The following ARSB variants were observed in gnomAD, a reference collection of about 807,000 sequenced individuals.
The protein encoded by ARSB is arylsulfatase B.
A neutral mutation model predicts 50.9 loss-of-function variants in ARSB; 41 were observed. The ratio of observed to expected loss-of-function variants is 0.81; its 90% CI spans 0.63 to 1.04. ARSB has a LOEUF of 1.04. Among genes scored for constraint, ARSB ranks in the 50% least tolerant of loss-of-function variants. The pLI is 0.00. For synonymous variants in ARSB, 269 were observed against 284.8 expected (o/e 0.94, Z 0.56); for missense variants, 672 against 693.3 (o/e 0.97, Z 0.35).
At chr5:78,962,508 C>T (rs1174634881) in intron 3 of ARSB, among the ~76,000 whole-genome samples, 2 of 148,096 alleles carry the variant, frequency 1.4e-5, no homozygotes, top group African/African-American at 2.5e-5. Context: ...TGTGTTTTCA[C>T]TTCTACATGT....
At chr5:78,796,879 C>CTTT (rs1342063568) in intron 6 of ARSB, among the ~76,000 whole-genome samples, 1,861 of 126,348 alleles carry the variant, frequency 0.015, 94 homozygotes, top group African/African-American at 0.056. Context: ...GTCTCGATCT[C>CTTT]TTTTTTTTTT....
intron 4 of ARSB, among the ~76,000 whole-genome samples, chr5:78,943,230 A>T (rs1017633066): frequency 6.6e-6 from 1 of 152,086 alleles, no homozygotes; most frequent in African/African-American, 2.4e-5. Context: ...TTGACTCTTT[A>T]TCCAATTTGC....
chr5:78,890,696 G>A (rs536029614), intron 4 of ARSB, among the ~76,000 whole-genome samples: 1 of 152,206 alleles, frequency 6.6e-6, no homozygotes, highest in Admixed American at 6.5e-5. Flanking sequence ...CCCACATATA[G>A]AATCCTTCAT....
chr5:78,796,973 GT>G (rs776414208), intron 6 of ARSB, among the ~76,000 whole-genome samples: 4 of 150,564 alleles, frequency 2.7e-5, no homozygotes, highest in Non-Finnish European at 5.9e-5. Flanking sequence ...CGCCTCCCGG[GT>G]TCACGCCATT....
Position 78,779,473 on chromosome 5 carries a change from T to C in ARSB, c.*924A>G, listed in dbSNP as rs549791435. 1.3e-5 allele frequency: 2 copies of C among 152,346 alleles called. No individual in the cohort carries two copies. Among genetic ancestry groups the C allele is most frequent in the South Asian group, 4.1e-4 (2 of 4,824 alleles). 9.4% of individuals were successfully genotyped at this position (152,346 alleles called of 1,614,324 possible). A position where few individuals can be genotyped will look rare whatever the true frequency, so the allele number is the denominator to read the frequency against. ...AACTCCATGCAATATAGGAAAAGCC[T>C]CGCTGAACAGATGCCACAGAGCCAA... On this transcript the variant is annotated 3_prime_UTR_variant, in exon 8 of 8. Coordinates refer to ENST00000264914, the MANE Select transcript of ARSB (RefSeq NM_000046.5).
At chr5:78,795,163 G>GT (rs1743133317) in intron 6 of ARSB, among the ~76,000 whole-genome samples, 2 of 152,232 alleles carry the variant, frequency 1.3e-5, no homozygotes, top group Admixed American at 6.5e-5. Flanking sequence ...AAATTACACA[G>GT]TTAAGGCAGT....
At position 78,872,569 on chromosome 5, in the gene ARSB, A is replaced by G. The variant is rs1392560919; in HGVS notation, c.1142+13015T>C. 1.1e-4 allele frequency among the ~76,000 whole-genome samples: 16 copies of G among 141,290 alleles called. No individual in the cohort carries two copies. In the East Asian group the frequency reaches 1.4e-3, roughly 12 times the overall value. 92.7% of individuals were successfully genotyped at this position (141,290 alleles called of 152,430 possible). A position where few individuals can be genotyped will look rare whatever the true frequency, so the allele number is the denominator to read the frequency against. On this transcript the variant is annotated intron_variant, in intron 5 of 7. Coordinates refer to ENST00000264914, the MANE Select transcript of ARSB (RefSeq NM_000046.5). ...TTCTCAGTAAACTATCGCAAGAACAAAAAACCAAACACCGCATATTCTCAC... is the reference window on the plus strand; with the variant it reads ...TTCTCAGTAAACTATCGCAAGAACAGAAAACCAAACACCGCATATTCTCAC...
At chr5:78,827,887 A>G (rs890688496) in intron 6 of ARSB, among the ~76,000 whole-genome samples, 10 of 151,522 alleles carry the variant, frequency 6.6e-5, no homozygotes, top group African/African-American at 2.2e-4. Flanking sequence ...TACTTCACTG[A>G]GAGTTTCCGG....
At chr5:78,833,848 G>A (rs1322627986) in intron 6 of ARSB, among the ~76,000 whole-genome samples, 1 of 152,242 alleles carries the variant, frequency 6.6e-6, no homozygotes, top group Non-Finnish European at 1.5e-5. Flanking sequence ...AGGGAGCGAT[G>A]AGGGTGGGCA....
At chr5:78,813,056 G>A (rs929357185) in intron 6 of ARSB, among the ~76,000 whole-genome samples, 1 of 151,444 alleles carries the variant, frequency 6.6e-6, no homozygotes, top group Non-Finnish European at 1.5e-5. Flanking sequence ...GATGGAATAA[G>A]TAAATTTCTT....
In ARSB at chr5:78,905,344, G is replaced by GTTTTTTTTTTTTTTTTTTTT. The variant is rs60622885; in HGVS notation, c.899-19518_899-19517insAAAAAAAAAAAAAAAAAAAA. 1.2e-4 allele frequency among the ~76,000 whole-genome samples: 16 copies of GTTTTTTTTTTTTTTTTTTTT among 130,544 alleles called. 5 individuals are homozygous for GTTTTTTTTTTTTTTTTTTTT. Among genetic ancestry groups the GTTTTTTTTTTTTTTTTTTTT allele is most frequent in the Non-Finnish European group, 1.1e-4 (7 of 62,458 alleles). 85.6% of individuals were successfully genotyped at this position (130,544 alleles called of 152,430 possible). The stretch of plus-strand genomic sequence containing the variant: ...CCTTGAGTACTGCTCGTATTTTCCT[G>GTTTTTTTTTTTTTTTTTTTT]TTTTTTTTTTTTTGTATAATGAGTA... On this transcript the variant is annotated intron_variant, in intron 4 of 7. Transcript: ENST00000264914.
intron 4 of ARSB, among the ~76,000 whole-genome samples, chr5:78,950,410 C>T (rs1237536627): frequency 6.6e-6 from 1 of 152,060 alleles, no homozygotes; most frequent in East Asian, 1.9e-4. Flanking sequence ...AGGAAGACAG[C>T]CTGAGAAGGG....
chr5:78,948,247 G>C (rs1026923922), intron 4 of ARSB, among the ~76,000 whole-genome samples: 2 of 152,116 alleles, frequency 1.3e-5, no homozygotes, highest in Admixed American at 1.3e-4. Flanking sequence ...GGTGACTACA[G>C]TTAATAATAA....
chr5:78,826,515 A>G (rs1450179139), intron 6 of ARSB, among the ~76,000 whole-genome samples: 1 of 152,220 alleles, frequency 6.6e-6, no homozygotes, highest in Non-Finnish European at 1.5e-5. Context: ...TTAAAAAATA[A>G]TATGTGCTCT....
intron 5 of ARSB, among the ~76,000 whole-genome samples, chr5:78,858,830 AC>A (rs1469425334): frequency 7.9e-5 from 12 of 152,222 alleles, no homozygotes; most frequent in Non-Finnish European, 1.5e-4. Context: ...CCGAGTTCTT[AC>A]AATGTTCCAG....
chr5:78,955,353 G>A lies in ARSB; in HGVS notation c.840C>T (p.Val280=). The change falls in exon 4 of 8, where the codon GTC becomes GTT. Residue 280 remains valine, a synonymous_variant. Coordinates refer to ENST00000264914, the MANE Select transcript of ARSB (RefSeq NM_000046.5). ...GCCCACTGCTTTTTAAAGCTGCAGT[G>A]ACATTTCCTACTGCTTCATCCATAA... ...VSLMDEAVGN[V]TAALKSSGLW... The A allele has an allele frequency of 6.2e-7, 1 of 1,614,188 alleles. No homozygotes were observed.
chr5:78,797,844 T>C (rs1174562134), intron 6 of ARSB, among the ~76,000 whole-genome samples: 1 of 151,982 alleles, frequency 6.6e-6, no homozygotes, highest in East Asian at 1.9e-4. Context: ...AAAAAATATA[T>C]GGACTGAGAA....
intron 5 of ARSB, among the ~76,000 whole-genome samples, chr5:78,882,233 T>C (rs1206188431): frequency 2.0e-5 from 3 of 152,214 alleles, no homozygotes; most frequent in Non-Finnish European, 4.4e-5. Flanking sequence ...GTTTTATGAT[T>C]AGCCCTGGGG....
At chr5:78,868,515 C>A (rs1746933052) in intron 5 of ARSB, among the ~76,000 whole-genome samples, 1 of 127,126 alleles carries the variant, frequency 7.9e-6, no homozygotes, top group African/African-American at 3.0e-5. Flanking sequence ...ATTCAACATT[C>A]TTAAAGAAAA....
Sources: gnomAD v4.1 joint callset for allele counts (sites outside exome capture counted in the v4.1 genomes callset) on GRCh38, gnomAD v4.1.1 for gene constraint, MANE v1.5 for transcripts, NCBI Gene and HGNC (gene_info 2026-07-23, HGNC 2026-07-21) for gene names.